The following SORCS3 variants were observed in gnomAD, a reference collection of about 807,000 sequenced individuals.
SORCS3 encodes the protein VPS10 domain-containing receptor SorCS3.
SORCS3 carries 57 observed loss-of-function variants against 146.3 expected under a neutral mutation model. The ratio of observed to expected loss-of-function variants is 0.39; its 90% CI spans 0.31 to 0.49. The LOEUF is 0.49. SORCS3 is among the 20% of genes least tolerant of loss of function. The pLI, the probability that SORCS3 is intolerant of heterozygous loss-of-function variation, is 0.92. For missense variants in SORCS3, 1,341 were observed against 1,575.5 expected, an observed-to-expected ratio of 0.85 and a Z score of 2.52; for synonymous variants, 653 against 618.5, an observed-to-expected ratio of 1.06 and a Z score of -0.83.
chr10:104,974,518 C>A (rs921749805), intron 3 of SORCS3, among the ~76,000 whole-genome samples: 2 of 151,974 alleles, frequency 1.3e-5, no homozygotes, highest in East Asian at 1.9e-4. Flanking sequence ...GGATTGCAAC[C>A]CCTGCCTTTT....
At chr10:104,659,033 G>A (rs1039055605) in intron 1 of SORCS3, among the ~76,000 whole-genome samples, 3 of 151,984 alleles carry the variant, frequency 2.0e-5, no homozygotes, top group African/African-American at 7.3e-5. Context: ...TATTTGAAAG[G>A]GCATTATAAA....
chr10:104,755,289 T>C (rs1377668576), intron 1 of SORCS3, among the ~76,000 whole-genome samples: 1 of 152,198 alleles, frequency 6.6e-6, no homozygotes, highest in African/African-American at 2.4e-5. Context: ...CATACATTCA[T>C]TCCACAAAAA....
intron 8 of SORCS3, among the ~76,000 whole-genome samples, chr10:105,144,405 G>A (rs2119459134): frequency 6.6e-6 from 1 of 152,218 alleles, no homozygotes; most frequent in Admixed American, 6.5e-5. Flanking sequence ...ACACATGGCA[G>A]ATGCTTAATA....
At chr10:104,663,465 A>G (rs1234584003) in intron 1 of SORCS3, among the ~76,000 whole-genome samples, 2 of 152,176 alleles carry the variant, frequency 1.3e-5, no homozygotes, top group East Asian at 1.9e-4. Flanking sequence ...TTCGAAGGCC[A>G]TTTAGTTCAA....
At chr10:104,835,458 G>A (rs1311155893) in intron 1 of SORCS3, among the ~76,000 whole-genome samples, 2 of 152,146 alleles carry the variant, frequency 1.3e-5, no homozygotes, top group Non-Finnish European at 2.9e-5. Flanking sequence ...GGATTTAAAG[G>A]CACCAAGATT....
At chr10:104,787,124 C>T (rs930471876) in intron 1 of SORCS3, among the ~76,000 whole-genome samples, 5 of 152,182 alleles carry the variant, frequency 3.3e-5, no homozygotes, top group Non-Finnish European at 4.4e-5. Flanking sequence ...GGAGCAGGAG[C>T]ACACAGAGTC....
At chr10:104,840,261 CG>C (rs1318779630) in intron 1 of SORCS3, among the ~76,000 whole-genome samples, 44 of 152,304 alleles carry the variant, frequency 2.9e-4, no homozygotes, top group African/African-American at 1.0e-3. Context: ...ATCTGCAGAA[CG>C]CCTGCGTCTT....
At chr10:105,009,048 C>A (rs931908450) in intron 4 of SORCS3, among the ~76,000 whole-genome samples, 1 of 152,172 alleles carries the variant, frequency 6.6e-6, no homozygotes, top group Non-Finnish European at 1.5e-5. Flanking sequence ...TCAGATCTAA[C>A]GCGTAGTTAT....
At chr10:105,223,368 C>T (rs1412635578) in intron 20 of SORCS3, 119 bp downstream of exon 20, 1 of 1,000,056 alleles carries the variant, frequency 1.0e-6, no homozygotes, top group Admixed American at 2.9e-5. Flanking sequence ...CTTAATAAAC[C>T]TATGAGCCCA....
intron 1 of SORCS3, among the ~76,000 whole-genome samples, chr10:104,800,696 A>G (rs1487285531): frequency 6.6e-6 from 1 of 152,212 alleles, no homozygotes; most frequent in Non-Finnish European, 1.5e-5. Context: ...TTCAGCTTCC[A>G]TAGTTTAGCC....
At chr10:105,178,009 C>T (rs758067632) in intron 13 of SORCS3, 57 bp from the exon 14 acceptor site, 268 of 1,320,892 alleles carry the variant, frequency 2.0e-4, no homozygotes, top group Non-Finnish European at 2.7e-4. Context: ...AAAACGGTTA[C>T]AGAAGAGTGT....
chr10:105,182,521 C>A (rs903876048), intron 14 of SORCS3, among the ~76,000 whole-genome samples: 1 of 151,972 alleles, frequency 6.6e-6, no homozygotes, highest in South Asian at 2.1e-4. Flanking sequence ...GGCAGTATAC[C>A]AGTTGTTTAC....
At chr10:105,242,601 T>C (rs1350798014) in intron 20 of SORCS3, among the ~76,000 whole-genome samples, 1 of 98,404 alleles carries the variant, frequency 1.0e-5, no homozygotes, top group Non-Finnish European at 1.8e-5. Context: ...TATATGTTTA[T>C]ATACATTTAT....
intron 3 of SORCS3, among the ~76,000 whole-genome samples, chr10:104,927,447 G>A (rs1211755710): frequency 2.0e-5 from 3 of 152,216 alleles, no homozygotes; most frequent in Non-Finnish European, 4.4e-5. Context: ...CCAGATGAGA[G>A]GTCATTGATC....
At chr10:105,036,563 G>A (rs934130157) in intron 4 of SORCS3, among the ~76,000 whole-genome samples, 3 of 152,172 alleles carry the variant, frequency 2.0e-5, no homozygotes, top group Admixed American at 6.5e-5. Flanking sequence ...GACAGCTGGA[G>A]ATGGAAGCTC....
At chr10:104,771,761 C>A (rs1453614744) in intron 1 of SORCS3, among the ~76,000 whole-genome samples, 1 of 151,760 alleles carries the variant, frequency 6.6e-6, no homozygotes, top group Non-Finnish European at 1.5e-5. Context: ...GTTTCTCATG[C>A]ATGCCACTGG....
At chr10:105,005,515 C>G (rs1309580648) in intron 4 of SORCS3, among the ~76,000 whole-genome samples, 1 of 145,566 alleles carries the variant, frequency 6.9e-6, no homozygotes, top group Non-Finnish European at 1.5e-5. Context: ...TAGTTGCTAG[C>G]CAGTGAAGTG....
At chr10:105,223,987 A>G (rs1283689417) in intron 20 of SORCS3, among the ~76,000 whole-genome samples, 1 of 152,214 alleles carries the variant, frequency 6.6e-6, no homozygotes, top group East Asian at 1.9e-4. Context: ...GAGATTTTCC[A>G]TATATCCCCT....
At chr10:105,228,039 G>T (rs1472562210) in intron 20 of SORCS3, among the ~76,000 whole-genome samples, 8 of 144,516 alleles carry the variant, frequency 5.5e-5, no homozygotes, top group African/African-American at 2.1e-4. Context: ...GTGTGTATGT[G>T]TGTTTTAAAT....
Sources: allele counts gnomAD v4.1 joint callset (sites outside exome capture counted in the v4.1 genomes callset), GRCh38; gene constraint gnomAD v4.1.1; transcripts MANE v1.5; gene names NCBI Gene and HGNC (gene_info 2026-07-23, HGNC 2026-07-21).